ZNF407: variants seen among roughly 807,000 people sequenced by gnomAD.
ZNF407 encodes zinc finger protein 407.
A neutral mutation model predicts 131.2 loss-of-function variants in ZNF407; 17 were observed. The observed-to-expected ratio is 0.13, with a 90% confidence interval of 0.09 to 0.19. The LOEUF (loss-of-function observed/expected upper bound fraction) is 0.19, where lower values mean the gene tolerates loss of function less well. ZNF407 is among the 10% of genes least tolerant of loss of function. The probability of loss-of-function intolerance (pLI) is 1.00; values close to 1 mark genes in which losing one functional copy is unlikely to be tolerated. For synonymous variants in ZNF407, 1,156 were observed against 1,062.0 expected, an observed-to-expected ratio of 1.09 and a Z score of -1.72; for missense variants, 2,681 against 2,830.6, an observed-to-expected ratio of 0.95 and a Z score of 1.20.
intron 3 of ZNF407, among the ~76,000 whole-genome samples, chr18:74,759,966 C>G (rs1467452980): frequency 1.3e-5 from 2 of 151,150 alleles, no homozygotes; most frequent in Non-Finnish European, 2.9e-5. Context: ...CTCTCTCTCT[C>G]TCTCTCTCCA....
In ZNF407 at chr18:75,053,756, G is replaced by A. The variant is rs776841352; in HGVS notation, c.5429-9394G>A. On this transcript the variant is annotated intron_variant, in intron 8 of 8. Coordinates refer to ENST00000299687, the MANE Select transcript of ZNF407 (RefSeq NM_017757.3). ...TCCAGTCCGCCCACTCGGTCCTGCCGTGTGTAGAAAAGGCTGAGGCTGGGT... is the reference window on the plus strand; with the variant it reads ...TCCAGTCCGCCCACTCGGTCCTGCCATGTGTAGAAAAGGCTGAGGCTGGGT... Among the ~76,000 whole-genome samples the A allele has an allele frequency of 5.9e-5, 9 of 152,316 alleles. No individual in the cohort carries two copies. The East Asian group carries it at 1.5e-3, about 26-fold the overall frequency.
At chr18:74,626,826 A>G (rs1465977864) in intron 1 of ZNF407, among the ~76,000 whole-genome samples, 1 of 152,182 alleles carries the variant, frequency 6.6e-6, no homozygotes, top group Non-Finnish European at 1.5e-5. Flanking sequence ...AAACTAAACT[A>G]TCGTGGAAGA....
chr18:74,638,453 T>C (rs1984561337), intron 2 of ZNF407, among the ~76,000 whole-genome samples: 1 of 152,228 alleles, frequency 6.6e-6, no homozygotes, highest in Non-Finnish European at 1.5e-5. Context: ...TGTTGGGTAA[T>C]ATACAACTTC....
chr18:74,850,157 A>G (rs1970761044), intron 4 of ZNF407, among the ~76,000 whole-genome samples: 1 of 152,138 alleles, frequency 6.6e-6, no homozygotes, highest in South Asian at 2.1e-4. Flanking sequence ...AATATTTACC[A>G]TTTTTGCACT....
intron 8 of ZNF407, among the ~76,000 whole-genome samples, chr18:75,047,687 C>T (rs1292139079): frequency 6.6e-6 from 1 of 152,234 alleles, no homozygotes; most frequent in African/African-American, 2.4e-5. Flanking sequence ...AAGACAACAA[C>T]TGTTAGATCA....
rs759325536 is a variant in ZNF407, at chr18:74,633,418, A to C, written c.2399A>C (p.His800Pro). The C allele has an allele frequency of 6.2e-7, 1 of 1,614,076 alleles. No homozygotes were observed. The highest frequency in any genetic ancestry group is 1.1e-5 in the South Asian group (1 of 91,086). ...TCCGGAAATGGAAGGATTGAAGGCCATATAGGTGTGCAATTACAAGAGCAT... is the reference window on the plus strand; with the variant it reads ...TCCGGAAATGGAAGGATTGAAGGCCCTATAGGTGTGCAATTACAAGAGCAT... ...DVSGNGRIEG[H>P]IGVQLQEHSY... Residue 800 changes from histidine to proline, a missense_variant, in exon 2 of 9, where the codon CAT (histidine) becomes CCT (proline). By Grantham distance (77) the His-to-Pro change is moderately conservative. Around this residue, in one of 6 missense-constraint regions of ZNF407, gnomAD observed 1,789 missense variants for 1,748.7 expected, o/e 1.02. Transcript: ENST00000299687.
intron 3 of ZNF407, among the ~76,000 whole-genome samples, chr18:74,668,753 T>C (rs544032344): frequency 1.3e-5 from 2 of 152,314 alleles, no homozygotes; most frequent in Non-Finnish European, 1.5e-5. Context: ...TTTTTCATGT[T>C]GATTTCTCTG....
At chr18:74,844,094 C>T (rs557065748) in intron 4 of ZNF407, among the ~76,000 whole-genome samples, 193 of 152,272 alleles carry the variant, frequency 1.3e-3, no homozygotes, top group Non-Finnish European at 2.1e-3. Context: ...CATTGTCAGC[C>T]GGCCTATGTC....
intron 4 of ZNF407, among the ~76,000 whole-genome samples, chr18:74,795,784 T>G (rs1368188650): frequency 6.6e-6 from 1 of 152,258 alleles, no homozygotes. Flanking sequence ...AAGTTTCTGT[T>G]GTAAATTCCC....
chr18:74,698,067 G>T (rs1967400905), intron 3 of ZNF407, among the ~76,000 whole-genome samples: 1 of 152,168 alleles, frequency 6.6e-6, no homozygotes, highest in Non-Finnish European at 1.5e-5. Flanking sequence ...GGTCAACAGT[G>T]CAGAGATGCA....
rs144445209 is a variant in ZNF407 at position 74,944,182 on chromosome 18, A to G, written c.5428+23490A>G. Among the ~76,000 whole-genome samples, 16 of 152,332 alleles carry G rather than the reference A, an allele frequency of 1.1e-4. No individual in the cohort carries two copies. The East Asian group carries it at 2.7e-3, about 26-fold the overall frequency. ...ACCTACTCAAAATGTAAGTAAGCTT[A>G]CTAGCTTTTATGTTCTTACAGGAAA... On this transcript the variant is annotated intron_variant, in intron 8 of 8. Coordinates refer to ENST00000299687, the MANE Select transcript of ZNF407 (RefSeq NM_017757.3).
At chr18:74,937,464 A>G (rs1281665916) in intron 8 of ZNF407, among the ~76,000 whole-genome samples, 2 of 152,270 alleles carry the variant, frequency 1.3e-5, no homozygotes, top group African/African-American at 4.8e-5. Context: ...CTATTATGCT[A>G]CTGTTTTATG....
intron 1 of ZNF407, among the ~76,000 whole-genome samples, chr18:74,625,447 G>A (rs1357257219): frequency 6.6e-6 from 1 of 152,144 alleles, no homozygotes; most frequent in Admixed American, 6.5e-5. Flanking sequence ...ACTCCTGCTG[G>A]TGCCTAGTGA....
chr18:74,775,672 G>C (rs532678064), intron 3 of ZNF407, among the ~76,000 whole-genome samples: 1 of 152,110 alleles, frequency 6.6e-6, no homozygotes, highest in African/African-American at 2.4e-5. Context: ...GGCTGTTCTC[G>C]CATGGCTATA....
At chr18:74,876,133 C>T (rs1971152895) in intron 4 of ZNF407, among the ~76,000 whole-genome samples, 1 of 152,164 alleles carries the variant, frequency 6.6e-6, no homozygotes, top group Admixed American at 6.5e-5. Flanking sequence ...TCAACATCTC[C>T]TTATTCATAT....
Position 74,811,318 on chromosome 18 carries a change from C to T in ZNF407, c.4877+29816C>T, listed in dbSNP as rs550115067. On this transcript the variant is annotated intron_variant, in intron 4 of 8. Coordinates refer to ENST00000299687, the MANE Select transcript of ZNF407 (RefSeq NM_017757.3). ...ATCAGAGAAATGCAAATCAAAACCA[C>T]AATGAGATACCATCTCACACCAGTT... Among the ~76,000 whole-genome samples the T allele has an allele frequency of 3.2e-3, 494 of 152,240 alleles. 2 individuals are homozygous for T. Among genetic ancestry groups the T allele is most frequent in the African/African-American group, 0.011 (473 of 41,528 alleles).
At chr18:74,695,307 A>G (rs774285265) in intron 3 of ZNF407, among the ~76,000 whole-genome samples, 1 of 152,102 alleles carries the variant, frequency 6.6e-6, no homozygotes, top group Non-Finnish European at 1.5e-5. Context: ...GGAAGGTCTC[A>G]TTGTTTCTTG....
chr18:74,849,658 C>T (rs1420649317), intron 4 of ZNF407, among the ~76,000 whole-genome samples: 1 of 152,198 alleles, frequency 6.6e-6, no homozygotes, highest in Non-Finnish European at 1.5e-5. Context: ...TTCCTGCCTA[C>T]ACCTGTGCAC....
chr18:74,676,455 GAGA>G (rs1986366898), intron 3 of ZNF407, among the ~76,000 whole-genome samples: 1 of 76,856 alleles, frequency 1.3e-5, no homozygotes. Context: ...TTTTTTTTTT[GAGA>G]CGGAGTCTCG....
Sources: gnomAD v4.1 joint callset for allele counts (sites outside exome capture counted in the v4.1 genomes callset) on GRCh38, gnomAD v4.1.1 for gene constraint, gnomAD v4.1.1 regional missense constraint, MANE v1.5 for transcripts, NCBI Gene and HGNC (gene_info 2026-07-23, HGNC 2026-07-21) for gene names.